The following DOCK3 variants were observed in gnomAD, a reference collection of about 807,000 sequenced individuals.
The protein encoded by DOCK3 is dedicator of cytokinesis 3, also known as dedicator of cytokinesis protein 3.
In DOCK3, 60 loss-of-function variants were observed where a neutral mutation model predicts 265.6. The observed-to-expected ratio is 0.23, with a 90% CI of 0.18 to 0.28. The LOEUF (loss-of-function observed/expected upper bound fraction) is 0.28, where lower values mean the gene tolerates loss of function less well. Among genes scored for constraint, DOCK3 ranks in the 10% least tolerant of loss-of-function variants. The pLI, the probability that DOCK3 is intolerant of heterozygous loss-of-function variation, is 1.00. For synonymous variants in DOCK3, 881 were observed against 938.0 expected, an observed-to-expected ratio of 0.94 and a Z score of 1.11; for missense variants, 1,981 against 2,594.3, an observed-to-expected ratio of 0.76 and a Z score of 5.14.
intron 27 of DOCK3, among the ~76,000 whole-genome samples, chr3:51,296,928 G>T (rs928967580): frequency 1.3e-5 from 2 of 151,592 alleles, no homozygotes; most frequent in Non-Finnish European, 2.9e-5. Flanking sequence ...AGACCACCCT[G>T]GCCAACATGG....
At chr3:51,271,668 G>A (rs1463853349) in intron 24 of DOCK3, among the ~76,000 whole-genome samples, 1 of 152,078 alleles carries the variant, frequency 6.6e-6, no homozygotes, top group Non-Finnish European at 1.5e-5. Flanking sequence ...TGGCAAACAG[G>A]GTGAAACCCT....
At chr3:51,080,514 G>A (rs572331939) in intron 7 of DOCK3, among the ~76,000 whole-genome samples, 2 of 152,290 alleles carry the variant, frequency 1.3e-5, no homozygotes, top group South Asian at 4.1e-4. Flanking sequence ...GCTGAAGTCT[G>A]GTTGACAAGA....
chr3:51,162,032 A>G (rs1657276620), intron 12 of DOCK3, among the ~76,000 whole-genome samples: 1 of 152,234 alleles, frequency 6.6e-6, no homozygotes, highest in Admixed American at 6.5e-5. Flanking sequence ...ATAGTTAGAC[A>G]CAAATTGTAG....
chr3:51,250,300 T>G (rs202159682), intron 22 of DOCK3, among the ~76,000 whole-genome samples: 2 of 7,784 alleles, frequency 2.6e-4, no homozygotes, highest in East Asian at 1.3e-3. Flanking sequence ...AAAAAAATAA[T>G]AAAAAATAAA....
chr3:50,820,359 C>T (rs2044337341), intron 2 of DOCK3, among the ~76,000 whole-genome samples: 2 of 152,148 alleles, frequency 1.3e-5, no homozygotes, highest in South Asian at 4.1e-4. Context: ...GTCTTTGTGA[C>T]CCTTACGTTG....
intron 5 of DOCK3, among the ~76,000 whole-genome samples, chr3:50,947,975 C>A (rs747951512): frequency 1.3e-5 from 2 of 148,544 alleles, no homozygotes; most frequent in South Asian, 2.1e-4. Flanking sequence ...CCTGTCTCAG[C>A]CTCCTGAGTA....
intron 12 of DOCK3, among the ~76,000 whole-genome samples, chr3:51,178,947 G>A (rs922062795): frequency 2.0e-5 from 3 of 152,212 alleles, no homozygotes; most frequent in Non-Finnish European, 4.4e-5. Context: ...AAGGCACAGA[G>A]TGGGGAGGAA....
intron 4 of DOCK3, among the ~76,000 whole-genome samples, chr3:50,901,901 G>T (rs151055232): frequency 4.6e-5 from 7 of 152,228 alleles, no homozygotes; most frequent in Non-Finnish European, 5.9e-5. Flanking sequence ...GCTGCAGACC[G>T]GAGCTGTTCC....
chr3:51,313,821 CCT>C (rs2083223875), intron 31 of DOCK3, among the ~76,000 whole-genome samples: 1 of 152,158 alleles, frequency 6.6e-6, no homozygotes, highest in Non-Finnish European at 1.5e-5. Flanking sequence ...ACTCTGGTTC[CCT>C]GTATCCAGCA....
intron 49 of DOCK3, among the ~76,000 whole-genome samples, chr3:51,368,323 G>A (rs1029829493): frequency 5.9e-5 from 9 of 152,216 alleles, no homozygotes; most frequent in Non-Finnish European, 1.3e-4. Context: ...AGCCGTGACA[G>A]ATGGTACCTG....
chr3:51,228,539 C>A, intron 17 of DOCK3, 122 bp from the exon 18 acceptor site: 1 of 1,088,536 alleles, frequency 9.2e-7, no homozygotes, highest in Non-Finnish European at 1.3e-6. Flanking sequence ...TCCAAGAGGA[C>A]CTGAGGCCCA....
At chr3:51,192,749 G>A (rs1029462433) in intron 12 of DOCK3, among the ~76,000 whole-genome samples, 2 of 152,102 alleles carry the variant, frequency 1.3e-5, no homozygotes, top group Admixed American at 6.5e-5. Context: ...GAAGTGTGCA[G>A]TAGCTACAAG....
chr3:50,965,948 T>C (rs1291361518), intron 5 of DOCK3, among the ~76,000 whole-genome samples: 9 of 152,120 alleles, frequency 5.9e-5, no homozygotes, highest in African/African-American at 1.9e-4. Flanking sequence ...ATCTTAGAAC[T>C]GAAAGTTTGT....
At position 51,350,279 on chromosome 3, in the gene DOCK3, C is replaced by G. The variant is rs2085887776; in HGVS notation, c.4003-9C>G. The G allele has an allele frequency of 2.5e-6, 4 of 1,596,662 alleles. No individual in the cohort carries two copies. Among genetic ancestry groups the G allele is most frequent in the Non-Finnish European group, 3.4e-6 (4 of 1,175,498 alleles). ...GTCAAGCCAACCTGAAGACCTTTCT[C>G]ATTCACAGAAAATGGAGGCCAGCTA... is the stretch of plus-strand genomic sequence containing the variant. On this transcript the variant is annotated splice_polypyrimidine_tract_variant and intron_variant, in intron 39 of 52. Transcript: ENST00000266037.
In DOCK3 at chr3:51,075,324, G is replaced by A. The variant is rs751448866; in HGVS notation, c.465-32G>A. 8 of 1,568,724 alleles carry A rather than the reference G, an allele frequency of 5.1e-6. No individual in the cohort carries two copies. In the South Asian group the frequency reaches 8.2e-5, roughly 16 times the overall value. On this transcript the variant is annotated intron_variant, in intron 6 of 52. Coordinates refer to ENST00000266037, the MANE Select transcript of DOCK3 (RefSeq NM_004947.5). ...AGAGAGATAAGTAATCTGAGTACAT[G>A]GCATACTGAGTGTGGTCTTTCTCTT...
chr3:50,675,486 C>G lies in DOCK3; in HGVS notation c.37+186C>G, dbSNP rs1230240843. On this transcript the variant is annotated intron_variant, in intron 1 of 52. Coordinates refer to ENST00000266037, the MANE Select transcript of DOCK3 (RefSeq NM_004947.5). This position sits in a 1 kb window ranked among gnomAD's most constrained non-coding sequence, Gnocchi z 6.1. ...CGGGTGCGGGGGTGGGCGCGGGTCT[C>G]TGTGCAGAGAGGGCGGCAGGGGGCG... Among the ~76,000 whole-genome samples the G allele has an allele frequency of 6.6e-6, 1 of 151,746 alleles. No homozygotes were observed. Among genetic ancestry groups the G allele is most frequent in the Non-Finnish European group, 1.5e-5 (1 of 67,896 alleles).
chr3:50,729,462 A>G (rs532700535), intron 1 of DOCK3, among the ~76,000 whole-genome samples: 1 of 151,936 alleles, frequency 6.6e-6, no homozygotes, highest in African/African-American at 2.4e-5. Context: ...ATATGTATAC[A>G]TGTGCCATGC....
At chr3:51,245,317 A>T (rs576426398) in intron 21 of DOCK3, among the ~76,000 whole-genome samples, 1 of 152,158 alleles carries the variant, frequency 6.6e-6, no homozygotes, top group South Asian at 2.1e-4. Context: ...AGTCTGAGCG[A>T]TAGAGCAAGT....
chr3:51,290,601 G>A (rs1463088676), intron 27 of DOCK3, among the ~76,000 whole-genome samples: 4 of 152,080 alleles, frequency 2.6e-5, no homozygotes, highest in African/African-American at 9.7e-5. Flanking sequence ...GAGTTAATGG[G>A]TGCAGCACAC....
Sources: gnomAD v4.1 joint callset for allele counts (sites outside exome capture counted in the v4.1 genomes callset) on GRCh38, gnomAD v4.1.1 for gene constraint, Gnocchi (gnomAD v3.1) non-coding constraint, MANE v1.5 for transcripts, NCBI Gene and HGNC (gene_info 2026-07-23, HGNC 2026-07-21) for gene names.